Variants in FNBP1L observed in about 807,000 individuals in gnomAD.
FNBP1L encodes formin-binding protein 1-like.
Under a neutral mutation model 91.2 loss-of-function variants are expected in FNBP1L, and 36 were observed. That is an observed-to-expected ratio of 0.39 (90% CI 0.30 to 0.52). FNBP1L has a LOEUF of 0.52. Ranked by LOEUF, FNBP1L falls within the 20% of genes least tolerant of loss-of-function variation. The probability of loss-of-function intolerance (pLI) is 0.66; values close to 1 mark genes in which losing one functional copy is unlikely to be tolerated. For synonymous variants in FNBP1L, 242 were observed against 237.0 expected, an observed-to-expected ratio of 1.02 and a Z score of -0.19; for missense variants, 571 against 732.1, an observed-to-expected ratio of 0.78 and a Z score of 2.54.
At chr1:93,540,395 A>C (rs1671996942) in intron 10 of FNBP1L, among the ~76,000 whole-genome samples, 2 of 152,132 alleles carry the variant, frequency 1.3e-5, no homozygotes, top group Admixed American at 1.3e-4. Flanking sequence ...TTTAAAGCAA[A>C]ATTCAACCTA....
chr1:93,497,030 G>A (rs1468322494), intron 1 of FNBP1L, among the ~76,000 whole-genome samples: 6 of 152,102 alleles, frequency 3.9e-5, no homozygotes, highest in East Asian at 1.9e-4. Context: ...GCACGATCTC[G>A]GCTCACTGCA....
Position 93,552,519 on chromosome 1 carries a change from C to G in FNBP1L, c.*103C>G. 1 of 1,310,026 alleles carries G rather than the reference C, an allele frequency of 7.6e-7. No individual in the cohort carries two copies. The highest frequency in any genetic ancestry group is 1.1e-6 in the Non-Finnish European group (1 of 946,162). 81.2% of individuals were successfully genotyped at this position (1,310,026 alleles called of 1,614,324 possible). ...TCAGGCTCAAAGAGAGTGAGAGAAG[C>G]AAGTTGCATGAGTGCATGCAGACAT... On this transcript the variant is annotated 3_prime_UTR_variant, in exon 17 of 17. Transcript: ENST00000271234.
chr1:93,541,490 A>G (rs1672041766), intron 11 of FNBP1L, among the ~76,000 whole-genome samples: 2 of 151,226 alleles, frequency 1.3e-5, no homozygotes, highest in African/African-American at 2.4e-5. Context: ...AAAATTTCAA[A>G]CTAGTATCAT....
intron 1 of FNBP1L, among the ~76,000 whole-genome samples, chr1:93,480,009 G>C (rs1669637950): frequency 6.6e-6 from 1 of 152,166 alleles, no homozygotes; most frequent in African/African-American, 2.4e-5. Context: ...TTTATGTTCA[G>C]AGATTGAAGT....
chr1:93,503,782 T>C (rs944389684), intron 2 of FNBP1L, among the ~76,000 whole-genome samples: 1 of 152,216 alleles, frequency 6.6e-6, no homozygotes, highest in South Asian at 2.1e-4. Context: ...TAATAAACAT[T>C]GTATTTGTAT....
chr1:93,522,652 A>G (rs1389618211), intron 3 of FNBP1L, among the ~76,000 whole-genome samples: 1 of 152,206 alleles, frequency 6.6e-6, no homozygotes, highest in Non-Finnish European at 1.5e-5. Context: ...TTAAACAAAC[A>G]ACTCTGTATA....
chr1:93,523,579 A>C, intron 4 of FNBP1L, 88 bp downstream of exon 4: 2 of 1,243,416 alleles, frequency 1.6e-6, no homozygotes, highest in Non-Finnish European at 2.2e-6. Context: ...TGTGTTCAGC[A>C]TAAACTGGTT....
chr1:93,508,071 G>T (rs953871241), intron 2 of FNBP1L, among the ~76,000 whole-genome samples: 1 of 151,804 alleles, frequency 6.6e-6, no homozygotes, highest in Non-Finnish European at 1.5e-5. Context: ...TGTGTTAGCC[G>T]GGGCGGTGGC....
chr1:93,486,866 A>G (rs1669927215), intron 1 of FNBP1L, among the ~76,000 whole-genome samples: 1 of 152,276 alleles, frequency 6.6e-6, no homozygotes, highest in South Asian at 2.1e-4. Context: ...TTTCTTTCAG[A>G]TCATTTCCAT....
At chr1:93,451,454 A>G (rs1238457625) in intron 1 of FNBP1L, among the ~76,000 whole-genome samples, 1 of 152,220 alleles carries the variant, frequency 6.6e-6, no homozygotes, top group Non-Finnish European at 1.5e-5. Flanking sequence ...CCTCACATTC[A>G]TATGATTTAC....
At chr1:93,458,108 T>C (rs952481413) in intron 1 of FNBP1L, among the ~76,000 whole-genome samples, 18 of 149,434 alleles carry the variant, frequency 1.2e-4, no homozygotes, top group African/African-American at 4.6e-4. Flanking sequence ...GAATTTCTTA[T>C]ATTAAGTTTT....
chr1:93,467,588 G>A (rs1254073483), intron 1 of FNBP1L, among the ~76,000 whole-genome samples: 1 of 152,124 alleles, frequency 6.6e-6, no homozygotes, highest in Admixed American at 6.5e-5. Flanking sequence ...CAGTATGAAT[G>A]TATCCCAGGA....
intron 1 of FNBP1L, among the ~76,000 whole-genome samples, chr1:93,468,786 C>T (rs545840689): frequency 6.6e-6 from 1 of 152,188 alleles, no homozygotes; most frequent in East Asian, 1.9e-4. Flanking sequence ...ATATACTTAA[C>T]AGTAGAATTG....
At chr1:93,534,010 T>C (rs931637609) in intron 8 of FNBP1L, among the ~76,000 whole-genome samples, 3 of 152,194 alleles carry the variant, frequency 2.0e-5, no homozygotes, top group Admixed American at 6.5e-5. Flanking sequence ...AGAGATACTC[T>C]GAAAATAATG....
chr1:93,538,090 T>C (rs1226077257), intron 10 of FNBP1L, among the ~76,000 whole-genome samples: 1 of 152,016 alleles, frequency 6.6e-6, no homozygotes, highest in South Asian at 2.1e-4. Flanking sequence ...TCCTATATAA[T>C]GAGTCTACCA....
rs369954819 is a variant in FNBP1L, at chr1:93,466,059, T to G, written c.24+17754T>G. On this transcript the variant is annotated intron_variant, in intron 1 of 16. Coordinates refer to ENST00000271234, the MANE Select transcript of FNBP1L (RefSeq NM_001164473.3). ...CACTTTTTGATGGAGTTGTTTGTTT[T>G]TTTTTCTTGTAAATTTGTTTCTTTG... Among the ~76,000 whole-genome samples the G allele has an allele frequency of 1.2e-4, 18 of 152,326 alleles. No individual in the cohort carries two copies. The East Asian group carries it at 3.5e-3, about 29-fold the overall frequency.
intron 5 of FNBP1L, among the ~76,000 whole-genome samples, chr1:93,525,090 T>TA: frequency 6.6e-6 from 1 of 151,634 alleles, no homozygotes; most frequent in East Asian, 1.9e-4. Flanking sequence ...AAAGCTCTAT[T>TA]AAATGATATT....
Position 93,471,297 on chromosome 1 carries a change from T to A in FNBP1L, c.24+22992T>A, listed in dbSNP as rs1358241365. ...TGGAATGTTTCAGATTTTGGAGCATTTCAGATTAGGGATGCTCAATCTGTG... is the reference window on the plus strand; with the variant it reads ...TGGAATGTTTCAGATTTTGGAGCATATCAGATTAGGGATGCTCAATCTGTG... On this transcript the variant is annotated intron_variant, in intron 1 of 16. Transcript: ENST00000271234. Among the ~76,000 whole-genome samples the A allele has an allele frequency of 2.0e-5, 3 of 152,234 alleles. No homozygotes were observed. The South Asian group carries it at 6.2e-4, about 32-fold the overall frequency.
At chr1:93,503,542 G>C (rs1670506723) in intron 2 of FNBP1L, among the ~76,000 whole-genome samples, 1 of 152,052 alleles carries the variant, frequency 6.6e-6, no homozygotes, top group East Asian at 1.9e-4. Flanking sequence ...CTCTTCTGTT[G>C]TTGTGTTTTG....
Sources: allele counts gnomAD v4.1 joint callset (sites outside exome capture counted in the v4.1 genomes callset), GRCh38; gene constraint gnomAD v4.1.1; transcripts MANE v1.5; gene names NCBI Gene and HGNC (gene_info 2026-07-23, HGNC 2026-07-21).